ARHGAP26: variants seen among roughly 807,000 people sequenced by gnomAD.
ARHGAP26 encodes rho GTPase-activating protein 26.
A neutral mutation model predicts 104.8 loss-of-function variants in ARHGAP26; 38 were observed. The ratio of observed to expected loss-of-function variants is 0.36; its 90% CI spans 0.28 to 0.48. The LOEUF is 0.48. ARHGAP26 is among the 20% of genes least tolerant of loss of function. The pLI is 0.99. For synonymous variants in ARHGAP26, 341 were observed against 340.0 expected, an observed-to-expected ratio of 1.00 and a Z score of -0.03; for missense variants, 704 against 947.9, an observed-to-expected ratio of 0.74 and a Z score of 3.38.
intron 1 of ARHGAP26, among the ~76,000 whole-genome samples, chr5:142,813,455 C>T (rs939243858): frequency 3.3e-5 from 5 of 150,768 alleles, no homozygotes; most frequent in African/African-American, 1.2e-4. Context: ...TGGGAGGGAA[C>T]TGGGTGACAG....
At position 143,140,738 on chromosome 5, in the gene ARHGAP26, C is replaced by T. The variant is rs754253268; in HGVS notation, c.1838-6493C>T. Among the ~76,000 whole-genome samples the T allele has an allele frequency of 5.9e-5, 8 of 136,564 alleles. No individual in the cohort carries two copies. The East Asian group carries it at 7.6e-4, about 13-fold the overall frequency. The allele number at this position is 136,564 out of a possible 152,430, so 89.6% of individuals were successfully genotyped here. ...CAGCCTAGGACACATTGTACAGTGT[C>T]GGTGGGGGTGGGGGTGGGGGCAGGA... On this transcript the variant is annotated intron_variant, in intron 19 of 22. Transcript: ENST00000645722.
At chr5:142,859,753 AG>A (rs1387343568) in intron 1 of ARHGAP26, 3 of 152,432 alleles carry the variant, frequency 2.0e-5, no homozygotes, top group African/African-American at 7.2e-5. Context: ...CTGAAAGGAA[AG>A]GAACTATGGG....
At chr5:142,805,400 C>G (rs1420871255) in intron 1 of ARHGAP26, among the ~76,000 whole-genome samples, 1 of 152,136 alleles carries the variant, frequency 6.6e-6, no homozygotes, top group African/African-American at 2.4e-5. Context: ...CCACGCCTGG[C>G]CCACATTTAG....
At chr5:142,938,366 C>T (rs72799077) in intron 11 of ARHGAP26, among the ~76,000 whole-genome samples, 3,340 of 152,232 alleles carry the variant, frequency 0.022, 54 homozygotes, top group Non-Finnish European at 0.033. Flanking sequence ...TGTTGCAACT[C>T]CATAAGCTTT....
At chr5:143,200,864 A>G (rs2151311197) in intron 20 of ARHGAP26, among the ~76,000 whole-genome samples, 1 of 152,326 alleles carries the variant, frequency 6.6e-6, no homozygotes, top group East Asian at 1.9e-4. Flanking sequence ...CCCTTGTCAG[A>G]CTGGGAGCCT....
At chr5:142,833,894 C>A (rs1472928085) in intron 1 of ARHGAP26, among the ~76,000 whole-genome samples, 1 of 152,140 alleles carries the variant, frequency 6.6e-6, no homozygotes, top group Admixed American at 6.5e-5. Flanking sequence ...AATATCTTGA[C>A]CTTGGCGTTG....
At chr5:142,805,185 C>A (rs1207288324) in intron 1 of ARHGAP26, among the ~76,000 whole-genome samples, 1 of 151,680 alleles carries the variant, frequency 6.6e-6, no homozygotes. Context: ...TCACTGCAAC[C>A]TCCGCCTCTC....
At chr5:143,098,963 A>C (rs1365827737) in intron 17 of ARHGAP26, among the ~76,000 whole-genome samples, 1 of 152,238 alleles carries the variant, frequency 6.6e-6, no homozygotes, top group Non-Finnish European at 1.5e-5. Flanking sequence ...AGAAATAGAA[A>C]GTGGCTTCAA....
At chr5:142,784,884 C>A (rs531262666) in intron 1 of ARHGAP26, among the ~76,000 whole-genome samples, 32 of 151,774 alleles carry the variant, frequency 2.1e-4, no homozygotes, top group Non-Finnish European at 4.3e-4. Context: ...CCATTCTTTC[C>A]ATCCCTACCT....
intron 1 of ARHGAP26, among the ~76,000 whole-genome samples, chr5:142,863,517 C>A (rs1428474530): frequency 1.3e-5 from 2 of 152,160 alleles, no homozygotes; most frequent in East Asian, 3.9e-4. Context: ...TTTCTGGGTT[C>A]TTTTCTATTC....
At chr5:143,029,780 GGTTT>G (rs1781605825) in intron 12 of ARHGAP26, among the ~76,000 whole-genome samples, 1 of 151,994 alleles carries the variant, frequency 6.6e-6, no homozygotes, top group Non-Finnish European at 1.5e-5. Context: ...AAAAAGGTTT[GGTTT>G]GTTTTTTTCT....
chr5:143,051,681 A>G (rs1167032416), intron 14 of ARHGAP26, among the ~76,000 whole-genome samples: 1 of 152,226 alleles, frequency 6.6e-6, no homozygotes, highest in Non-Finnish European at 1.5e-5. Context: ...GCCTTGCCTC[A>G]TCAGTGCTAT....
rs369282524 is a variant in ARHGAP26, at chr5:142,918,508, A to C, written c.1028+5215A>C. On this transcript the variant is annotated intron_variant, in intron 10 of 22. Transcript: ENST00000645722. ...TCTACTTTTAATTCTTATATATCTA[A>C]GTTGTTTTACCTTTGATATCTAAAA... Among the ~76,000 whole-genome samples, 6 of 152,144 alleles carry C rather than the reference A, an allele frequency of 3.9e-5. No homozygotes were observed. The East Asian group carries it at 7.7e-4, about 19-fold the overall frequency.
intron 10 of ARHGAP26, among the ~76,000 whole-genome samples, chr5:142,921,000 G>A (rs1185251785): frequency 6.6e-6 from 1 of 152,226 alleles, no homozygotes; most frequent in East Asian, 1.9e-4. Context: ...ACTACTGGCA[G>A]TGGAGATATA....
intron 20 of ARHGAP26, among the ~76,000 whole-genome samples, chr5:143,161,443 G>A (rs531126759): frequency 7.2e-5 from 11 of 152,142 alleles, no homozygotes; most frequent in Non-Finnish European, 7.3e-5. Flanking sequence ...GTTCAATTAT[G>A]TTGAGCTATA....
chr5:143,201,760 G>A (rs556519746), intron 20 of ARHGAP26, among the ~76,000 whole-genome samples: 1 of 152,282 alleles, frequency 6.6e-6, no homozygotes, highest in East Asian at 1.9e-4. Flanking sequence ...TCTATTTCTT[G>A]TCTGTTTACA....
At chr5:142,923,027 A>G (rs1468447125) in intron 10 of ARHGAP26, among the ~76,000 whole-genome samples, 2 of 152,056 alleles carry the variant, frequency 1.3e-5, no homozygotes, top group African/African-American at 2.4e-5. Flanking sequence ...GTTCTGTAAA[A>G]TAAGTTAGTG....
In ARHGAP26 at chr5:143,087,636, C is replaced by CTTTTTTTTTTT. The variant is rs35201189; in HGVS notation, c.1538+29905_1538+29915dup. Among the ~76,000 whole-genome samples, 270 of 51,560 alleles carry CTTTTTTTTTTT rather than the reference C, an allele frequency of 5.2e-3. 68 individuals carry two copies. The highest frequency in any genetic ancestry group is 0.014 in the African/African-American group (173 of 12,776). 33.8% of individuals were successfully genotyped at this position (51,560 alleles called of 152,430 possible). On this transcript the variant is annotated intron_variant, in intron 17 of 22. Coordinates refer to ENST00000645722, the MANE Select transcript of ARHGAP26 (RefSeq NM_001135608.3). ...CTCATCTAATTAACCCTGGCCCATTCTTTTTTTTTTTTTTTTTTTTTTTTT... is the reference window on the plus strand; with the variant it reads ...CTCATCTAATTAACCCTGGCCCATTCTTTTTTTTTTTTTTTTTTTTTTTTTTTTTTTTTTTT...
Position 142,997,608 on chromosome 5 carries a change from A to T in ARHGAP26, c.1108-16472A>T, listed in dbSNP as rs547938260. Among the ~76,000 whole-genome samples, 3 of 145,138 alleles carry T rather than the reference A, an allele frequency of 2.1e-5. No homozygotes were observed. In the East Asian group the frequency reaches 6.0e-4, roughly 29 times the overall value. On this transcript the variant is annotated intron_variant, in intron 11 of 22. Transcript: ENST00000645722. ...TTTTTTTTTTTTTTTAGTAGAGACAAGGTCTCACCATGTTGCCCAGGCTGG... is the reference window on the plus strand; with the variant it reads ...TTTTTTTTTTTTTTTAGTAGAGACATGGTCTCACCATGTTGCCCAGGCTGG...
Sources: gnomAD v4.1 joint callset for allele counts (sites outside exome capture counted in the v4.1 genomes callset) on GRCh38, gnomAD v4.1.1 for gene constraint, MANE v1.5 for transcripts, NCBI Gene and HGNC (gene_info 2026-07-23, HGNC 2026-07-21) for gene names.